The following MYO3B variants were observed in gnomAD, a reference collection of about 807,000 sequenced individuals.
MYO3B encodes the protein myosin-IIIb.
Under a neutral mutation model 174.6 loss-of-function variants are expected in MYO3B, and 156 were observed. The ratio of observed to expected loss-of-function variants is 0.89; its 90% CI spans 0.78 to 1.02. MYO3B has a LOEUF of 1.02. Ranked by LOEUF, MYO3B falls within the 50% of genes least tolerant of loss-of-function variation. The pLI, the probability that MYO3B is intolerant of heterozygous loss-of-function variation, is 0.00. For synonymous variants in MYO3B, 563 were observed against 569.1 expected, an observed-to-expected ratio of 0.99 and a Z score of 0.15; for missense variants, 1,632 against 1,639.4, an observed-to-expected ratio of 1.00 and a Z score of 0.08.
chr2:170,401,607 C>T lies in MYO3B; in HGVS notation c.2045C>T (p.Ala682Val). 6.2e-7 allele frequency: 1 copy of T among 1,614,122 alleles called. No homozygotes were observed. The highest frequency in any genetic ancestry group is 1.1e-5 in the South Asian group (1 of 91,082). The change falls in exon 18 of 35, where the codon GCC (alanine) becomes GTC (valine). Residue 682 changes from alanine (A) to valine (V), a missense_variant. Ala to Val is a moderately conservative substitution (Grantham distance 64). Coordinates refer to ENST00000408978, the MANE Select transcript of MYO3B (RefSeq NM_138995.5). ...GACAGGGCTGCGGACGTTCGAGACG[C>T]CATGTCCAAAGCCCTGTATGGGAGG... ...TVDRAADVRD[A>V]MSKALYGRLF...
At chr2:170,487,642 A>T (rs1166889540) in intron 25 of MYO3B, among the ~76,000 whole-genome samples, 1 of 152,212 alleles carries the variant, frequency 6.6e-6, no homozygotes, top group Non-Finnish European at 1.5e-5. Context: ...CTTGAGATAA[A>T]TTTTCACATT....
chr2:170,352,321 A>T (rs963898654), intron 8 of MYO3B, among the ~76,000 whole-genome samples: 3 of 152,238 alleles, frequency 2.0e-5, no homozygotes, highest in Admixed American at 2.0e-4. Flanking sequence ...TTAAGCAAAC[A>T]TGTTAAACTA....
At position 170,280,875 on chromosome 2, in the gene MYO3B, G is replaced by A. The variant is rs566818369; in HGVS notation, c.749+44739G>A. On this transcript the variant is annotated intron_variant, in intron 7 of 34. Coordinates refer to ENST00000408978, the MANE Select transcript of MYO3B (RefSeq NM_138995.5). ...TCAGTACTATGCTGTTTTGGTTACTGTAGCCCTGTAGTATAGTTTAAAGTT... is the reference window on the plus strand; with the variant it reads ...TCAGTACTATGCTGTTTTGGTTACTATAGCCCTGTAGTATAGTTTAAAGTT... 5.5e-4 allele frequency among the ~76,000 whole-genome samples: 83 copies of A among 152,158 alleles called. 2 individuals carry two copies. In the South Asian group the frequency reaches 0.017, roughly 31 times the overall value.
intron 1 of MYO3B, among the ~76,000 whole-genome samples, chr2:170,192,467 T>C (rs1199223114): frequency 2.0e-5 from 3 of 151,262 alleles, no homozygotes; most frequent in Admixed American, 1.3e-4. Flanking sequence ...TTTTTCTTGA[T>C]TAATCTATTT....
At chr2:170,457,109 C>T (rs1380122011) in intron 23 of MYO3B, among the ~76,000 whole-genome samples, 1 of 152,134 alleles carries the variant, frequency 6.6e-6, no homozygotes, top group African/African-American at 2.4e-5. Flanking sequence ...GTGCACTTAC[C>T]ATGAATGGAG....
At chr2:170,299,012 C>T (rs1048608176) in intron 7 of MYO3B, among the ~76,000 whole-genome samples, 2 of 152,058 alleles carry the variant, frequency 1.3e-5, no homozygotes, top group South Asian at 4.1e-4. Flanking sequence ...GTGTGGTAGG[C>T]TAGGTTTGTG....
chr2:170,413,117 A>G (rs970026614), intron 22 of MYO3B, among the ~76,000 whole-genome samples: 6 of 152,260 alleles, frequency 3.9e-5, no homozygotes, highest in Non-Finnish European at 7.3e-5. Flanking sequence ...ATGCAAATCC[A>G]TAAGTGAAGC....
chr2:170,198,758 C>T (rs962044572), intron 1 of MYO3B, among the ~76,000 whole-genome samples: 1 of 152,142 alleles, frequency 6.6e-6, no homozygotes, highest in African/African-American at 2.4e-5. Flanking sequence ...CCTGGTAGTA[C>T]ACTGATGTTG....
intron 25 of MYO3B, among the ~76,000 whole-genome samples, chr2:170,488,653 G>T (rs1210609500): frequency 6.6e-6 from 1 of 152,184 alleles, no homozygotes; most frequent in African/African-American, 2.4e-5. Context: ...GGGATGAATT[G>T]CAAATGGAAA....
chr2:170,425,940 T>A (rs1258319862), intron 22 of MYO3B, among the ~76,000 whole-genome samples: 1 of 152,172 alleles, frequency 6.6e-6, no homozygotes. Context: ...TTTAAAACAT[T>A]TAGCATGGTA....
chr2:170,290,047 G>A (rs1330325004), intron 7 of MYO3B, among the ~76,000 whole-genome samples: 2 of 151,928 alleles, frequency 1.3e-5, no homozygotes, highest in African/African-American at 4.8e-5. Flanking sequence ...ATTCCATTGT[G>A]ATCCATTGTG....
At chr2:170,586,460 G>A (rs556966003) in intron 32 of MYO3B, among the ~76,000 whole-genome samples, 4 of 152,246 alleles carry the variant, frequency 2.6e-5, no homozygotes, top group South Asian at 2.1e-4. Flanking sequence ...GTGTGCACCC[G>A]CTCACCACAT....
intron 32 of MYO3B, among the ~76,000 whole-genome samples, chr2:170,554,591 C>T (rs1431081737): frequency 2.0e-5 from 3 of 152,234 alleles, no homozygotes. Context: ...TCCTGCGACT[C>T]ATTAAAGCAC....
intron 5 of MYO3B, among the ~76,000 whole-genome samples, chr2:170,216,740 T>C (rs1175332788): frequency 6.6e-6 from 1 of 152,232 alleles, no homozygotes; most frequent in East Asian, 1.9e-4. Context: ...GCAGCCGATC[T>C]TCTTTCTCCA....
intron 7 of MYO3B, among the ~76,000 whole-genome samples, chr2:170,251,402 T>C (rs190558203): frequency 4.6e-5 from 7 of 152,240 alleles, no homozygotes; most frequent in Admixed American, 4.6e-4. Context: ...AAATGGTTTT[T>C]ATAGGTTGAA....
At chr2:170,431,326 A>G (rs1023372664) in intron 22 of MYO3B, among the ~76,000 whole-genome samples, 2 of 152,252 alleles carry the variant, frequency 1.3e-5, no homozygotes, top group Admixed American at 1.3e-4. Flanking sequence ...TGCAGAAAAC[A>G]GAGCAACTCC....
At chr2:170,475,085 AG>A (rs1483474727) in intron 25 of MYO3B, among the ~76,000 whole-genome samples, 1 of 152,184 alleles carries the variant, frequency 6.6e-6, no homozygotes, top group Non-Finnish European at 1.5e-5. Flanking sequence ...AAGGGATTAG[AG>A]AAAACTCAGT....
At chr2:170,541,171 G>A (rs1413355161) in intron 30 of MYO3B, among the ~76,000 whole-genome samples, 3 of 152,186 alleles carry the variant, frequency 2.0e-5, no homozygotes, top group Non-Finnish European at 2.9e-5. Flanking sequence ...GAGTTGTCAA[G>A]AGGTTCATTT....
At chr2:170,595,535 T>G (rs746449003) in intron 32 of MYO3B, among the ~76,000 whole-genome samples, 22 of 152,086 alleles carry the variant, frequency 1.4e-4, no homozygotes, top group Non-Finnish European at 3.2e-4. Context: ...AACCCCCAGA[T>G]TCAAGCAATC....
Sources: gnomAD v4.1 joint callset for allele counts (sites outside exome capture counted in the v4.1 genomes callset) on GRCh38, gnomAD v4.1.1 for gene constraint, MANE v1.5 for transcripts, NCBI Gene and HGNC (gene_info 2026-07-23, HGNC 2026-07-21) for gene names.